CTNNA2: variants seen among roughly 807,000 people sequenced by gnomAD.
CTNNA2 encodes the protein catenin alpha 2, also known as catenin alpha-2.
A neutral mutation model predicts 101.0 loss-of-function variants in CTNNA2; 42 were observed. That is an observed-to-expected ratio of 0.42 (90% CI 0.32 to 0.54). The LOEUF (loss-of-function observed/expected upper bound fraction) is 0.54. Among genes scored for constraint, CTNNA2 ranks in the 20% least tolerant of loss-of-function variants. The pLI is 0.14. For missense variants in CTNNA2, 871 were observed against 1,223.1 expected (o/e 0.71, Z 4.29); for synonymous variants, 450 against 456.4 (o/e 0.99, Z 0.18).
Position 80,594,047 on chromosome 2 carries a change from A to G in CTNNA2, c.2189+4562A>G, listed in dbSNP as rs142325732. ...TCTTTTAAATGTTTGAGGAATCACA[A>G]TATTATTTTTCACAGTGGCTGCACC... On this transcript the variant is annotated intron_variant, in intron 15 of 18. Transcript: ENST00000402739. 6.2e-3 allele frequency among the ~76,000 whole-genome samples: 941 copies of G among 152,216 alleles called. 8 individuals are homozygous for G. The highest frequency in any genetic ancestry group is 9.1e-3 in the Non-Finnish European group (620 of 67,972).
chr2:79,326,793 A>G (rs1404589526), intron 3 of CTNNA2, among the ~76,000 whole-genome samples: 1 of 152,212 alleles, frequency 6.6e-6, no homozygotes, highest in Admixed American at 6.5e-5. Flanking sequence ...TTGAAAAACC[A>G]AGTGTAGAAT....
chr2:80,554,565 G>T (rs538807746), intron 11 of CTNNA2, among the ~76,000 whole-genome samples: 30 of 152,084 alleles, frequency 2.0e-4, no homozygotes, highest in African/African-American at 6.0e-4. Flanking sequence ...ATAGGAAGAG[G>T]ATAGAAAGAG....
intron 9 of CTNNA2, among the ~76,000 whole-genome samples, chr2:80,502,052 G>C (rs1687920463): frequency 6.6e-6 from 1 of 152,322 alleles, no homozygotes; most frequent in Non-Finnish European, 1.5e-5. Flanking sequence ...TGTGGAGTCA[G>C]AGAGGCCTAG....
chr2:80,606,909 C>T (rs546267954), intron 16 of CTNNA2, among the ~76,000 whole-genome samples: 61 of 151,880 alleles, frequency 4.0e-4, no homozygotes, highest in African/African-American at 1.5e-3. Context: ...AAAGTTAATC[C>T]CTTTCCGTGT....
At chr2:80,494,420 G>A (rs1181741013) in intron 9 of CTNNA2, among the ~76,000 whole-genome samples, 2 of 152,142 alleles carry the variant, frequency 1.3e-5, no homozygotes, top group Non-Finnish European at 1.5e-5. Flanking sequence ...AACAGTGGCT[G>A]TCCCTGATGA....
At chr2:80,610,828 G>C (rs910844619) in intron 17 of CTNNA2, among the ~76,000 whole-genome samples, 2 of 151,606 alleles carry the variant, frequency 1.3e-5, no homozygotes, top group Admixed American at 1.3e-4. Context: ...GTCTGCTTTT[G>C]GCTTGAGAGG....
intron 2 of CTNNA2, among the ~76,000 whole-genome samples, chr2:79,661,819 A>G (rs1682055984): frequency 6.6e-6 from 1 of 152,182 alleles, no homozygotes; most frequent in Middle Eastern, 3.4e-3. Flanking sequence ...TCTTGTGTCA[A>G]CTTGGTAAGG....
At chr2:79,834,768 A>AT (rs5832411) in intron 3 of CTNNA2, among the ~76,000 whole-genome samples, 4 of 151,972 alleles carry the variant, frequency 2.6e-5, no homozygotes, top group Admixed American at 2.0e-4. Flanking sequence ...TATTTAAGAA[A>AT]TTTTTTTCTA....
At chr2:79,897,399 G>C (rs1540440) in intron 6 of CTNNA2, among the ~76,000 whole-genome samples, 1 of 151,500 alleles carries the variant, frequency 6.6e-6, no homozygotes, top group East Asian at 1.9e-4. Context: ...CTTGAATAAG[G>C]GGGGAATATG....
At chr2:79,461,561 T>C (rs1670879656) in intron 4 of CTNNA2, among the ~76,000 whole-genome samples, 1 of 152,114 alleles carries the variant, frequency 6.6e-6, no homozygotes, top group African/African-American at 2.4e-5. Flanking sequence ...TAAATGTCTC[T>C]GTAATCAACA....
intron 2 of CTNNA2, among the ~76,000 whole-genome samples, chr2:79,208,200 C>A (rs972416521): frequency 6.6e-6 from 1 of 152,092 alleles, no homozygotes; most frequent in African/African-American, 2.4e-5. Flanking sequence ...ATTGCAATAG[C>A]CTGGGTAAGA....
chr2:79,888,689 G>C (rs1255881767), intron 6 of CTNNA2, among the ~76,000 whole-genome samples: 1 of 152,032 alleles, frequency 6.6e-6, no homozygotes, highest in Non-Finnish European at 1.5e-5. Flanking sequence ...GTTATTTCTT[G>C]AGGCAGCGAA....
At chr2:80,539,323 TGTTG>T (rs577605460) in intron 9 of CTNNA2, among the ~76,000 whole-genome samples, 979 of 71,080 alleles carry the variant, frequency 0.014, 8 homozygotes, top group South Asian at 0.064. Flanking sequence ...TTTTTTTTTT[TGTTG>T]TTGTTGTTGT....
chr2:79,242,993 T>TATATATATATACACAC (rs1306982182), intron 2 of CTNNA2, among the ~76,000 whole-genome samples: 2 of 116,702 alleles, frequency 1.7e-5, no homozygotes, highest in Non-Finnish European at 3.5e-5. Flanking sequence ...TATATATATA[T>TATATATATATACACAC]ACACACACAC....
intron 3 of CTNNA2, among the ~76,000 whole-genome samples, chr2:79,754,892 G>C (rs1246303999): frequency 6.6e-6 from 1 of 152,120 alleles, no homozygotes; most frequent in Non-Finnish European, 1.5e-5. Flanking sequence ...GGAAAGAAGA[G>C]TATTCTAGGA....
At chr2:79,210,763 C>T (rs192175839) in intron 2 of CTNNA2, among the ~76,000 whole-genome samples, 20 of 152,220 alleles carry the variant, frequency 1.3e-4, no homozygotes, top group Middle Eastern at 3.4e-3. Flanking sequence ...GTTCCCATCA[C>T]CTGGAGCAAG....
intron 3 of CTNNA2, among the ~76,000 whole-genome samples, chr2:79,338,277 G>A (rs1677042827): frequency 6.9e-6 from 1 of 144,826 alleles, no homozygotes; most frequent in South Asian, 2.2e-4. Flanking sequence ...AGGCAACTGG[G>A]TTACAAGAAT....
At chr2:80,027,083 T>A (rs1694975789) in intron 7 of CTNNA2, among the ~76,000 whole-genome samples, 1 of 152,090 alleles carries the variant, frequency 6.6e-6, no homozygotes, top group Non-Finnish European at 1.5e-5. Context: ...GAAAGATAAG[T>A]GATATAAAGA....
At chr2:79,632,386 A>T (rs1406712892) in intron 1 of CTNNA2, among the ~76,000 whole-genome samples, 2 of 152,198 alleles carry the variant, frequency 1.3e-5, no homozygotes, top group Non-Finnish European at 2.9e-5. Context: ...CTAACCAGAA[A>T]ATTTTAATGA....
Sources: allele counts gnomAD v4.1 joint callset (sites outside exome capture counted in the v4.1 genomes callset), GRCh38; gene constraint gnomAD v4.1.1; transcripts MANE v1.5; gene names NCBI Gene and HGNC (gene_info 2026-07-23, HGNC 2026-07-21).